RDH13: variants seen among roughly 807,000 people sequenced by gnomAD.
The protein encoded by RDH13 is retinol dehydrogenase 13 (all-trans and 9-cis).
A neutral mutation model predicts 28.3 loss-of-function variants in RDH13; 35 were observed. That is an observed-to-expected ratio of 1.24 (90% CI 0.95 to 1.64). RDH13 has a LOEUF of 1.64. Among genes scored for constraint, RDH13 ranks in the 40% most tolerant of loss-of-function variants. The probability of loss-of-function intolerance (pLI) is 0.00; values close to 1 mark genes in which losing one functional copy is unlikely to be tolerated. For missense variants in RDH13, 514 were observed against 446.3 expected, an observed-to-expected ratio of 1.15 and a Z score of -1.37; for synonymous variants, 229 against 198.5, an observed-to-expected ratio of 1.15 and a Z score of -1.29.
chr19:55,047,001 T>C (rs2075257177), intron 6 of RDH13: 1 of 405,500 alleles, frequency 2.5e-6, no homozygotes, highest in East Asian at 7.8e-5. Flanking sequence ...GACTGTGAGG[T>C]GAGTCCTATT....
downstream of RDH13, chr19:55,040,716 G>A (rs2075005157): frequency 6.6e-6 from 1 of 152,188 alleles, no homozygotes; most frequent in South Asian, 2.1e-4. Flanking sequence ...AAAATTATTG[G>A]TAAAATAAGA....
chr19:55,045,022 A>G lies in RDH13; in HGVS notation c.*52T>C, dbSNP rs2075159072. ...CCAGGAAGCTGCGGGCATGGCGGAC[A>G]GCTGTCCTCGGTCTGGAGGCGCCAT... On this transcript the variant is annotated 3_prime_UTR_variant, in exon 7 of 7. Transcript: ENST00000415061. 1 of 1,354,224 alleles carries G rather than the reference A, an allele frequency of 7.4e-7. No homozygotes were observed. The highest frequency in any genetic ancestry group is 1.0e-6 in the Non-Finnish European group (1 of 979,962). The allele number at this position is 1,354,224 out of a possible 1,614,324, so 83.9% of individuals were successfully genotyped here. A position where few individuals can be genotyped will look rare whatever the true frequency, so the allele number is the denominator to read the frequency against.
chr19:55,061,103 G>A (rs1271777557), intron 1 of RDH13, among the ~76,000 whole-genome samples: 1 of 151,904 alleles, frequency 6.6e-6, no homozygotes, highest in African/African-American at 2.4e-5. Flanking sequence ...ATCCTCACTG[G>A]AACCTCTCCT....
At chr19:55,064,625 G>GT (rs997649146), upstream of RDH13, among the ~76,000 whole-genome samples, 54 of 151,038 alleles carry the variant, frequency 3.6e-4, no homozygotes, top group East Asian at 4.0e-4. Flanking sequence ...GTTTTGTTTT[G>GT]TTTTTTGAGA....
At position 55,056,731 on chromosome 19, in the gene RDH13, T is replaced by A; in HGVS notation, c.262A>T (p.Asn88Tyr). Residue 88 changes from asparagine to tyrosine, a missense_variant, in exon 3 of 7, where the codon AAT (asparagine) becomes TAT (tyrosine). Asn to Tyr is a moderately radical substitution (Grantham distance 143, BLOSUM62 -2). Transcript: ENST00000415061. ...AAKDIRGETL[N>Y]HHVNARHLDL... ...AGGTGCCGGGCGTTGACATGGTGAT[T>A]GAGGGTCTCCCCGCGGATGTCCTTT... The A allele has an allele frequency of 6.2e-7, 1 of 1,614,030 alleles. No individual in the cohort carries two copies. The highest frequency in any genetic ancestry group is 8.5e-7 in the Non-Finnish European group (1 of 1,179,996).
Position 55,048,486 on chromosome 19 carries a change from C to T in RDH13, c.501G>A (p.Ser167=), listed in dbSNP as rs181361851. Residue 167 remains serine (S), a synonymous_variant, in exon 5 of 7, where the codon TCG becomes TCA. Coordinates refer to ENST00000415061, the MANE Select transcript of RDH13 (RefSeq NM_001145971.2). ...LLDKLKASAP[S]RIINLSSLAH... ...CCAGGGACGAGAGGTTGATGATCCG[C>T]GAAGGGGCTGAGGCTTTCAGCTTGT... is the stretch of plus-strand genomic sequence containing the variant. 47 of 1,614,180 alleles carry T rather than the reference C, an allele frequency of 2.9e-5. No homozygotes were observed. The East Asian group carries it at 6.2e-4, about 21-fold the overall frequency.
At chr19:55,047,762 A>T (rs1437063956) in intron 5 of RDH13, among the ~76,000 whole-genome samples, 1 of 152,060 alleles carries the variant, frequency 6.6e-6, no homozygotes, top group Non-Finnish European at 1.5e-5. Context: ...TGGCGGTGGG[A>T]CCTAAGATAC....
At chr19:55,058,830 A>G (rs2075719845) in intron 2 of RDH13, among the ~76,000 whole-genome samples, 1 of 152,110 alleles carries the variant, frequency 6.6e-6, no homozygotes, top group Non-Finnish European at 1.5e-5. Flanking sequence ...ACAGGTGCCC[A>G]CCACAACTCC....
At chr19:55,041,832 C>A (rs13958), downstream of RDH13, 12,400 of 151,652 alleles carry the variant, frequency 0.082, 755 homozygotes, top group Admixed American at 0.2. Context: ...GCCAGGCAGG[C>A]TCTCACTGTG....
chr19:55,064,853 T>TCTGC (rs2075927368), upstream of RDH13, among the ~76,000 whole-genome samples: 1 of 149,800 alleles, frequency 6.7e-6, no homozygotes, highest in Non-Finnish European at 1.5e-5. Context: ...CCTCAGGTGA[T>TCTGC]CCACCTGCCT....
rs193300978 is a variant in RDH13 at position 55,056,920 on chromosome 19, C to T, written c.185-112G>A. 75 of 939,516 alleles carry T rather than the reference C, an allele frequency of 8.0e-5. 1 individual carries two copies. The highest frequency in any genetic ancestry group is 7.1e-4 in the Admixed American group (26 of 36,554). The allele number at this position is 939,516 out of a possible 1,614,324, so 58.2% of individuals were successfully genotyped here. A position where few individuals can be genotyped will look rare whatever the true frequency, so the allele number is the denominator to read the frequency against. ...AAAACACATCCACCAATGTTCACTG[C>T]GGCATTCTTCACAAAAGCCAAAAGG... On this transcript the variant is annotated intron_variant, in intron 2 of 6. Coordinates refer to ENST00000415061, the MANE Select transcript of RDH13 (RefSeq NM_001145971.2).
upstream of RDH13, among the ~76,000 whole-genome samples, chr19:55,066,457 CTCTCTTCCT>C (rs2075961197): frequency 1.8e-5 from 2 of 112,274 alleles, no homozygotes; most frequent in African/African-American, 6.0e-5. Context: ...CTCTCTCCCT[CTCTCTTCCT>C]CTCTCTCTTC....
At chr19:55,049,789 C>CAAAAA (rs71181733) in intron 3 of RDH13, among the ~76,000 whole-genome samples, 2 of 126,504 alleles carry the variant, frequency 1.6e-5, no homozygotes, top group Admixed American at 8.4e-5. Flanking sequence ...AACTCCATCT[C>CAAAAA]AAAAAAAAAA....
At chr19:55,059,379 C>A (rs1456267115) in intron 1 of RDH13, 104 bp from the exon 2 acceptor site, 5 of 696,546 alleles carry the variant, frequency 7.2e-6, no homozygotes, top group Non-Finnish European at 1.2e-5. Flanking sequence ...ACTCACATAC[C>A]CCAACTGAAA....
At chr19:55,040,905 T>G (rs931791734), downstream of RDH13, 1 of 152,186 alleles carries the variant, frequency 6.6e-6, no homozygotes, top group Non-Finnish European at 1.5e-5. Context: ...GGCAGGCAGA[T>G]CACCTGAGGT....
Position 55,052,723 on chromosome 19 carries a change from G to A in RDH13, c.340+3930C>T, listed in dbSNP as rs1303293628. Among the ~76,000 whole-genome samples, 3 of 148,778 alleles carry A rather than the reference G, an allele frequency of 2.0e-5. No homozygotes were observed. The Admixed American group carries it at 2.0e-4, about 10-fold the overall frequency. ...GTCACCCAGGCTGGAGTGCAGTGGC[G>A]CCATCTCGGCTCACTGCAAGCTCCA... is the stretch of plus-strand genomic sequence containing the variant. On this transcript the variant is annotated intron_variant, in intron 3 of 6. Coordinates refer to ENST00000415061, the MANE Select transcript of RDH13 (RefSeq NM_001145971.2).
Position 55,045,111 on chromosome 19 carries a change from T to C in RDH13, c.959A>G (p.Glu320Gly). 6.2e-7 allele frequency: 1 copy of C among 1,612,940 alleles called. No individual in the cohort carries two copies. The highest frequency in any genetic ancestry group is 1.1e-5 in the South Asian group (1 of 90,940). The change falls in exon 7 of 7, where the codon GAG (glutamate) becomes GGG (glycine). Residue 320 changes from glutamate (E) to glycine (G), a missense_variant. By Grantham distance (98) the Glu-to-Gly change is moderately conservative (BLOSUM62 -2). Transcript: ENST00000415061. ...WAESARLVGL[E>G]APSVREQPLP... is the part of the protein sequence containing the mutation. ...GGGCTGCTCCCTCACAGAGGGAGCC[T>C]CTAAGCCCACCAGGCGGGCACTTTC...
At chr19:55,061,171 A>C (rs1193882520) in intron 1 of RDH13, among the ~76,000 whole-genome samples, 1 of 152,098 alleles carries the variant, frequency 6.6e-6, no homozygotes, top group African/African-American at 2.4e-5. Flanking sequence ...TCTGTCGCCC[A>C]GGCTGGAGTG....
intron 1 of RDH13, 94 bp downstream of exon 1, chr19:55,062,874 A>T: frequency 1.8e-6 from 2 of 1,125,768 alleles, no homozygotes; most frequent in Non-Finnish European, 1.2e-6. Context: ...CGGGGCCTGG[A>T]CCCGGGTGCG....
Sources: gnomAD v4.1 joint callset for allele counts (sites outside exome capture counted in the v4.1 genomes callset) on GRCh38, gnomAD v4.1.1 for gene constraint, MANE v1.5 for transcripts, NCBI Gene and HGNC (gene_info 2026-07-23, HGNC 2026-07-21) for gene names.